RAB34: variants seen among roughly 807,000 people sequenced by gnomAD.
RAB34 encodes the protein ras-related protein Rab-34.
A neutral mutation model predicts 39.0 loss-of-function variants in RAB34; 33 were observed. The observed-to-expected ratio is 0.85, with a 90% CI of 0.64 to 1.13. The LOEUF (loss-of-function observed/expected upper bound fraction) is 1.13, where lower values mean the gene tolerates loss of function less well. Ranked by LOEUF, RAB34 falls within the 50% of genes most tolerant of loss-of-function variation. The probability of loss-of-function intolerance (pLI) is 0.00; values close to 1 mark genes in which losing one functional copy is unlikely to be tolerated. For missense variants in RAB34, 289 were observed against 326.1 expected (o/e 0.89, Z 0.88); for synonymous variants, 135 against 125.1 (o/e 1.08, Z -0.53).
Position 28,716,976 on chromosome 17 carries a change from C to T in RAB34, c.73G>A (p.Ala25Thr). The change falls in exon 2 of 10, where the codon GCT becomes ACT. Residue 25 changes from alanine to threonine, a missense_variant. Physicochemically the swap from Ala to Thr is moderately conservative, Grantham distance 58. Coordinates refer to ENST00000395245, the MANE Select transcript of RAB34 (RefSeq NM_031934.6). ...TGGAAGTCTTTGTGCCCGTGCAAAG[C>T]GGCCTCCTTCCTCAGGCACTTAGTG... ...ELPQCLRKEA[A>T]LHGHKDFHPR... is the part of the protein sequence containing the mutation. The T allele has an allele frequency of 6.2e-7, 1 of 1,613,586 alleles. No homozygotes were observed. The highest frequency in any genetic ancestry group is 8.5e-7 in the Non-Finnish European group (1 of 1,179,896).
upstream of RAB34, chr17:28,718,029 C>G: frequency 7.3e-7 from 1 of 1,372,186 alleles, no homozygotes; most frequent in Non-Finnish European, 9.6e-7. Flanking sequence ...CAGGACCGCC[C>G]CGACCCAGGC....
At position 28,716,074 on chromosome 17, in the gene RAB34, G is replaced by A. The variant is rs1358741703; in HGVS notation, c.147-16C>T. On this transcript the variant is annotated splice_polypyrimidine_tract_variant and intron_variant, in intron 2 of 9. Coordinates refer to ENST00000395245, the MANE Select transcript of RAB34 (RefSeq NM_031934.6). ...GATCTTAAATCTGCTGGACACAAGA[G>A]TGGGCAAGGGGAGTGGGCACGAGCT... 6.2e-7 allele frequency: 1 copy of A among 1,613,704 alleles called. No homozygotes were observed. The highest frequency in any genetic ancestry group is 2.2e-5 in the East Asian group (1 of 44,890).
At chr17:28,716,771 T>G in intron 2 of RAB34, 132 bp downstream of exon 2, 1 of 1,078,154 alleles carries the variant, frequency 9.3e-7, no homozygotes, top group East Asian at 2.7e-5. Context: ...ATACAGGGGC[T>G]TAAAGAGGGG....
chr17:28,718,299 G>A, upstream of RAB34: 1 of 1,521,244 alleles, frequency 6.6e-7, no homozygotes, highest in Non-Finnish European at 8.8e-7. Flanking sequence ...TTCTGCCCTG[G>A]GAGGTCGGGG....
chr17:28,716,714 C>T, intron 2 of RAB34, 189 bp downstream of exon 2: 1 of 628,792 alleles, frequency 1.6e-6, no homozygotes, highest in Non-Finnish European at 2.5e-6. Flanking sequence ...TCTACCCAAC[C>T]CCATCTCATA....
chr17:28,716,061 G>A lies in RAB34; in HGVS notation c.147-3C>T. ...CAATGACCTTGGAGATCTTAAATCT[G>A]CTGGACACAAGAGTGGGCAAGGGGA... On this transcript the variant is annotated splice_polypyrimidine_tract_variant and splice_region_variant and intron_variant, in intron 2 of 9. Coordinates refer to ENST00000395245, the MANE Select transcript of RAB34 (RefSeq NM_031934.6). 6.2e-7 allele frequency: 1 copy of A among 1,613,934 alleles called. No individual in the cohort carries two copies. The highest frequency in any genetic ancestry group is 8.5e-7 in the Non-Finnish European group (1 of 1,180,020).
At chr17:28,718,311 T>C, upstream of RAB34, 1 of 1,501,374 alleles carries the variant, frequency 6.7e-7, no homozygotes, top group Non-Finnish European at 8.9e-7. Context: ...AGGTCGGGGG[T>C]GAGGATGGTG....
rs1182982992 is a variant in RAB34 at position 28,714,844 on chromosome 17, C to T, written c.661G>A (p.Val221Met). 6.2e-7 allele frequency: 1 copy of T among 1,614,174 alleles called. No individual in the cohort carries two copies. ...RVAALTFEANVLAELEKSGAR... is the reference protein window; with the variant it reads ...RVAALTFEANMLAELEKSGAR... ...CCCGATTTCTCCAGCTCAGCCAGCA[C>T]ATTGGCCTCAAAGGTCAGTGCTGCC... Residue 221 changes from valine to methionine, a missense_variant, in exon 9 of 10, where the codon GTG becomes ATG. By Grantham distance (21) the Val-to-Met change is conservative. Coordinates refer to ENST00000395245, the MANE Select transcript of RAB34 (RefSeq NM_031934.6).
chr17:28,718,045 C>T (rs1597786641), upstream of RAB34: 6 of 1,426,584 alleles, frequency 4.2e-6, no homozygotes, highest in East Asian at 1.6e-4. Context: ...CAGGCTGGAG[C>T]CTATCCAGAT....
Position 28,714,435 on chromosome 17 carries a change from G to T in RAB34, c.*208C>A. The T allele has an allele frequency of 9.8e-7, 1 of 1,016,658 alleles. No individual in the cohort carries two copies. The highest frequency in any genetic ancestry group is 1.4e-5 in the South Asian group (1 of 71,122). The allele number at this position is 1,016,658 out of a possible 1,614,324, so 63.0% of individuals were successfully genotyped here. A position where few individuals can be genotyped will look rare whatever the true frequency, so the allele number is the denominator to read the frequency against. On this transcript the variant is annotated 3_prime_UTR_variant, in exon 10 of 10. Coordinates refer to ENST00000395245, the MANE Select transcript of RAB34 (RefSeq NM_031934.6). ...GGCGCCCTGGACAGTCCCCTGAGGA[G>T]TAGGGGGCATCCAGTCTTTGGCACG...
rs1395538828 is a variant in RAB34 at position 28,717,785 on chromosome 17, G to C, written c.-519C>G. ...GGCAGGGGCGGCGCTGCCAAGGCCCGCAGGCCGCTGGAGGAGGGGGCGAGG... is the reference window on the plus strand; with the variant it reads ...GGCAGGGGCGGCGCTGCCAAGGCCCCCAGGCCGCTGGAGGAGGGGGCGAGG... On this transcript the variant is annotated 5_prime_UTR_variant, in exon 1 of 10. Transcript: ENST00000395245. 7.6e-7 allele frequency: 1 copy of C among 1,321,648 alleles called. No homozygotes were observed. 81.9% of individuals were successfully genotyped at this position (1,321,648 alleles called of 1,614,324 possible). A position where few individuals can be genotyped will look rare whatever the true frequency, so the allele number is the denominator to read the frequency against.
upstream of RAB34, chr17:28,717,959 C>G: frequency 3.9e-6 from 5 of 1,267,116 alleles, no homozygotes; most frequent in Non-Finnish European, 5.1e-6. Context: ...GCCACCCCCT[C>G]CTCTCCACCC....
At position 28,715,510 on chromosome 17, in the gene RAB34, G is replaced by A; in HGVS notation, c.380-3C>T. On this transcript the variant is annotated splice_region_variant and splice_polypyrimidine_tract_variant and intron_variant, in intron 5 of 9. Coordinates refer to ENST00000395245, the MANE Select transcript of RAB34 (RefSeq NM_031934.6). ...CAGGTTGAAGACAATGATGATGGCTGGAAGAGTGGCAGAAACAGCCCCAGG... is the reference window on the plus strand; with the variant it reads ...CAGGTTGAAGACAATGATGATGGCTAGAAGAGTGGCAGAAACAGCCCCAGG... 1 of 1,614,118 alleles carries A rather than the reference G, an allele frequency of 6.2e-7. No individual in the cohort carries two copies.
upstream of RAB34, chr17:28,718,181 AC>A: frequency 6.2e-7 from 1 of 1,607,158 alleles, no homozygotes; most frequent in Non-Finnish European, 8.5e-7. Context: ...GATGCCAGGA[AC>A]CAGCAGGGAG....
In RAB34 at chr17:28,716,068, A is replaced by C; in HGVS notation, c.147-10T>G. 6.2e-7 allele frequency: 1 copy of C among 1,613,838 alleles called. No homozygotes were observed. Among genetic ancestry groups the C allele is most frequent in the Non-Finnish European group, 8.5e-7 (1 of 1,180,014 alleles). On this transcript the variant is annotated splice_polypyrimidine_tract_variant and intron_variant, in intron 2 of 9. Transcript: ENST00000395245. ...CTTGGAGATCTTAAATCTGCTGGACACAAGAGTGGGCAAGGGGAGTGGGCA... is the reference window on the plus strand; with the variant it reads ...CTTGGAGATCTTAAATCTGCTGGACCCAAGAGTGGGCAAGGGGAGTGGGCA...
intron 6 of RAB34, 68 bp from the exon 7 acceptor site, chr17:28,715,344 C>T: frequency 6.3e-7 from 1 of 1,576,016 alleles, no homozygotes; most frequent in Non-Finnish European, 8.7e-7. Context: ...CATTCATAGG[C>T]CCAATTACCC....
At chr17:28,716,097 G>A (rs764984426) in intron 2 of RAB34, 39 bp from the exon 3 acceptor site, 1 of 1,612,694 alleles carries the variant, frequency 6.2e-7, no homozygotes, top group East Asian at 2.2e-5. Flanking sequence ...GTGGGCACGA[G>A]CTCTTTCACC....
chr17:28,717,547 T>A lies in RAB34; in HGVS notation c.-281A>T, dbSNP rs571207921. On this transcript the variant is annotated 5_prime_UTR_variant, in exon 1 of 10. Coordinates refer to ENST00000395245, the MANE Select transcript of RAB34 (RefSeq NM_031934.6). ...GGCGAGGAGACTCTTCGGCCGCCAA[T>A]TGGGGGCGGGGAGTCCCGTCTGGTG... 5 of 1,416,564 alleles carry A rather than the reference T, an allele frequency of 3.5e-6. No homozygotes were observed. In the African/African-American group the frequency reaches 4.5e-5, roughly 13 times the overall value. The allele number at this position is 1,416,564 out of a possible 1,614,324, so 87.7% of individuals were successfully genotyped here. A position where few individuals can be genotyped will look rare whatever the true frequency, so the allele number is the denominator to read the frequency against.
Position 28,715,522 on chromosome 17 carries a change from G to T in RAB34, c.380-15C>A, listed in dbSNP as rs775431832. 1 of 1,614,128 alleles carries T rather than the reference G, an allele frequency of 6.2e-7. No homozygotes were observed. On this transcript the variant is annotated splice_polypyrimidine_tract_variant and intron_variant, in intron 5 of 9. Transcript: ENST00000395245. ...AATGATGATGGCTGGAAGAGTGGCA[G>T]AAACAGCCCCAGGTTGACAGGGAAG...
Sources: gnomAD v4.1 joint callset for allele counts on GRCh38, gnomAD v4.1.1 for gene constraint, MANE v1.5 for transcripts, NCBI Gene and HGNC (gene_info 2026-07-23, HGNC 2026-07-21) for gene names.